CLEC2A: variants seen among roughly 807,000 people sequenced by gnomAD.
CLEC2A encodes the protein C-type lectin domain family 2 member A, also known as keratinocyte-associated C-type lectin.
Under a neutral mutation model 18.6 loss-of-function variants are expected in CLEC2A, and 19 were observed. The observed-to-expected ratio is 1.02, with a 90% confidence interval of 0.71 to 1.50. The LOEUF is 1.50. Among genes scored for constraint, CLEC2A ranks in the 40% most tolerant of loss-of-function variants. The pLI, the probability that CLEC2A is intolerant of heterozygous loss-of-function variation, is 0.00. For missense variants in CLEC2A, 190 were observed against 207.9 expected, an observed-to-expected ratio of 0.91 and a Z score of 0.53; for synonymous variants, 74 against 64.0, an observed-to-expected ratio of 1.16 and a Z score of -0.75.
intron 3 of CLEC2A, among the ~76,000 whole-genome samples, chr12:9,920,868 T>G (rs1863160671): frequency 6.6e-6 from 1 of 152,242 alleles, no homozygotes; most frequent in Non-Finnish European, 1.5e-5. Context: ...TTCTAAGAGC[T>G]GTATTTTTAA....
At chr12:9,925,377 G>C (rs996192373) in intron 2 of CLEC2A, among the ~76,000 whole-genome samples, 6 of 152,166 alleles carry the variant, frequency 3.9e-5, no homozygotes, top group African/African-American at 1.4e-4. Flanking sequence ...CAATTATGAA[G>C]GTCAAGCTGC....
At chr12:9,892,918 G>A in the CLEC2A span, 1 of 916,810 alleles carries the variant, frequency 1.1e-6, no homozygotes. Context: ...AAAAAAAAAT[G>A]AGTTGGAAAA....
At chr12:9,931,061 G>T (rs188473626) in intron 1 of CLEC2A, among the ~76,000 whole-genome samples, 48 of 152,060 alleles carry the variant, frequency 3.2e-4, no homozygotes, top group Non-Finnish European at 6.0e-4. Flanking sequence ...TCTCAGACTA[G>T]ATGTTCTAAT....
chr12:9,919,374 G>A (rs1180903381), intron 3 of CLEC2A, among the ~76,000 whole-genome samples: 1 of 152,218 alleles, frequency 6.6e-6, no homozygotes, highest in Non-Finnish European at 1.5e-5. Flanking sequence ...GAGGTTCCAT[G>A]TCTGGTGATG....
Position 9,916,801 on chromosome 12 carries a change from T to C in CLEC2A, c.309A>G (p.Glu103=), listed in dbSNP as rs769366198. Residue 103 remains glutamate, a splice_region_variant and synonymous_variant, in exon 4 of 5, where the codon GAA becomes GAG. Transcript: ENST00000455827. Reference sequence around the variant, plus strand: ...CAGTTCCTGCGTACCTCTTCAAAAATTCCTTTCACAAAACAAAGGGAATCA... The same window carrying C: ...CAGTTCCTGCGTACCTCTTCAAAAACTCCTTTCACAAAACAAAGGGAATCA... ...LAQIDTQEDM[E]FLKRYAGTDM... The C allele has an allele frequency of 1.2e-5, 18 of 1,547,018 alleles. No homozygotes were observed. The South Asian group carries it at 1.9e-4, about 16-fold the overall frequency.
At chr12:9,894,405 A>T (rs977257119), downstream of CLEC2A, among the ~76,000 whole-genome samples, 25 of 151,202 alleles carry the variant, frequency 1.7e-4, no homozygotes, top group Non-Finnish European at 3.1e-4. Context: ...CTGGTCTCCA[A>T]CTCCTGAGCT....
intron 1 of CLEC2A, among the ~76,000 whole-genome samples, chr12:9,928,927 C>A (rs1863324701): frequency 6.6e-6 from 1 of 152,108 alleles, no homozygotes; most frequent in African/African-American, 2.4e-5. Flanking sequence ...TTGGAAAATT[C>A]TTTAGCAGTT....
At chr12:9,896,433 G>A (rs1862756156), downstream of CLEC2A, among the ~76,000 whole-genome samples, 1 of 150,814 alleles carries the variant, frequency 6.6e-6, no homozygotes, top group Non-Finnish European at 1.5e-5. Flanking sequence ...ATAAAATAAA[G>A]TCATGTGGCC....
At chr12:9,907,856 A>G (rs1332521069) in intron 4 of CLEC2A, among the ~76,000 whole-genome samples, 3 of 152,174 alleles carry the variant, frequency 2.0e-5, no homozygotes, top group African/African-American at 7.2e-5. Context: ...CAGCCAAAGG[A>G]CAGGCCCAAA....
intron 3 of CLEC2A, 60 bp from the exon 4 acceptor site, chr12:9,916,863 T>G: frequency 5.2e-6 from 5 of 957,030 alleles, no homozygotes; most frequent in Non-Finnish European, 4.9e-6. Context: ...TTGCTGAACA[T>G]GCTTCCCACC....
the CLEC2A span, among the ~76,000 whole-genome samples, chr12:9,880,198 C>G: frequency 6.6e-6 from 1 of 152,132 alleles, no homozygotes. Flanking sequence ...GAAGGATAAG[C>G]ACTCAGAGAA....
chr12:9,907,638 A>G (rs1187682843), intron 4 of CLEC2A, among the ~76,000 whole-genome samples: 3 of 152,108 alleles, frequency 2.0e-5, no homozygotes, highest in South Asian at 2.1e-4. Flanking sequence ...CTTTCTCTAC[A>G]TTTTCACCAG....
chr12:9,898,790 G>A (rs1198392866), exon 5 of CLEC2A: 4 of 585,748 alleles, frequency 6.8e-6, no homozygotes, highest in Non-Finnish European at 1.3e-5. Context: ...TCCCTCTAAA[G>A]AAGTACATCT....
At chr12:9,884,214 A>T in the CLEC2A span, among the ~76,000 whole-genome samples, 323 of 152,170 alleles carry the variant, frequency 2.1e-3, 1 homozygote, top group African/African-American at 7.6e-3. Context: ...CTCTCTAGAG[A>T]TTACTTGTTT....
At chr12:9,930,418 G>C (rs1863355612) in intron 1 of CLEC2A, among the ~76,000 whole-genome samples, 1 of 152,024 alleles carries the variant, frequency 6.6e-6, no homozygotes, top group Non-Finnish European at 1.5e-5. Flanking sequence ...TGTGGTTTTT[G>C]TGATTATTTG....
the CLEC2A span, chr12:9,884,940 C>T: frequency 1.7e-6 from 2 of 1,162,498 alleles, no homozygotes; most frequent in Non-Finnish European, 2.3e-6. Context: ...TCAGATTTCT[C>T]CCTATATCCA....
chr12:9,882,268 A>G, the CLEC2A span, among the ~76,000 whole-genome samples: 1 of 152,334 alleles, frequency 6.6e-6, no homozygotes, highest in South Asian at 2.1e-4. Flanking sequence ...TCGCAGTGGC[A>G]GTTCTGCCAT....
chr12:9,905,749 A>G (rs1011383100), intron 4 of CLEC2A, among the ~76,000 whole-genome samples: 11 of 152,320 alleles, frequency 7.2e-5, no homozygotes, highest in African/African-American at 2.2e-4. Context: ...AAACATGTAC[A>G]GTGAAATGAG....
At chr12:9,903,752 T>C (rs186483744) in intron 4 of CLEC2A, among the ~76,000 whole-genome samples, 43 of 152,342 alleles carry the variant, frequency 2.8e-4, no homozygotes, top group African/African-American at 9.6e-4. Flanking sequence ...AATTTACATT[T>C]TTATTTATAG....
Sources: gnomAD v4.1 joint callset for allele counts (sites outside exome capture counted in the v4.1 genomes callset) on GRCh38, gnomAD v4.1.1 for gene constraint, MANE v1.5 for transcripts, NCBI Gene and HGNC (gene_info 2026-07-23, HGNC 2026-07-21) for gene names.